Variants in DNAJC21 observed in about 807,000 individuals in gnomAD.
DNAJC21 encodes DnaJ heat shock protein family (Hsp40) member C21.
Under a neutral mutation model 72.4 loss-of-function variants are expected in DNAJC21, and 63 were observed. The ratio of observed to expected loss-of-function variants is 0.87; its 90% CI spans 0.71 to 1.07. The LOEUF (loss-of-function observed/expected upper bound fraction) is 1.07. Among genes scored for constraint, DNAJC21 ranks in the 50% least tolerant of loss-of-function variants. The pLI is 0.00. For synonymous variants in DNAJC21, 203 were observed against 216.7 expected, an observed-to-expected ratio of 0.94 and a Z score of 0.56; for missense variants, 634 against 644.8, an observed-to-expected ratio of 0.98 and a Z score of 0.18.
chr5:34,934,012 G>T, intron 2 of DNAJC21, 104 bp downstream of exon 2: 1 of 966,956 alleles, frequency 1.0e-6, no homozygotes, highest in Non-Finnish European at 1.5e-6. Flanking sequence ...GGTTTTTGGT[G>T]TGTTCTGAAA....
chr5:34,944,814 T>C, intron 7 of DNAJC21, 53 bp from the exon 8 acceptor site: 1 of 1,600,578 alleles, frequency 6.2e-7, no homozygotes, highest in Non-Finnish European at 8.5e-7. Context: ...CAACATTATC[T>C]GGACACGTGA....
At chr5:34,935,392 T>C (rs938118886) in intron 2 of DNAJC21, among the ~76,000 whole-genome samples, 10 of 152,202 alleles carry the variant, frequency 6.6e-5, no homozygotes, top group African/African-American at 2.4e-4. Context: ...AGATTTCCTA[T>C]GTCCTGTTTT....
chr5:34,949,651 G>A, intron 9 of DNAJC21: 1 of 1,613,372 alleles, frequency 6.2e-7, no homozygotes, highest in Non-Finnish European at 8.5e-7. Flanking sequence ...GCACAAATGT[G>A]CCAAAATGTT....
At chr5:34,932,978 G>C (rs897355172) in intron 1 of DNAJC21, among the ~76,000 whole-genome samples, 3 of 152,258 alleles carry the variant, frequency 2.0e-5, no homozygotes, top group African/African-American at 7.2e-5. Context: ...AATGCCAGGA[G>C]GCGGGGTGCT....
Position 34,935,767 on chromosome 5 carries a change from T to C in DNAJC21, c.249T>C (p.Asp83=). The C allele has an allele frequency of 6.2e-7, 1 of 1,614,068 alleles. No individual in the cohort carries two copies. Residue 83 remains aspartate, a synonymous_variant, in exon 3 of 12, where the codon GAT becomes GAC. Coordinates refer to ENST00000648817, the MANE Select transcript of DNAJC21 (RefSeq NM_001012339.3). ...GTGGGTTTGATGGCGAATATCAAGA[T>C]GACAGCTTAGATTTGCTACGCTATT... ...LKGGFDGEYQ[D]DSLDLLRYFT...
chr5:34,954,573 A>G lies in DNAJC21; in HGVS notation c.1455A>G (p.Thr485=). 1 of 1,612,416 alleles carries G rather than the reference A, an allele frequency of 6.2e-7. No homozygotes were observed. ...PQTMSVLISC[T]TCHSEFPSRN... ...CTCAGAGTGTTCTTATCAGCTGTAC[A>G]ACCTGCCATAGTGAATTTCCATCTC... The change falls in exon 12 of 12, where the codon ACA becomes ACG. Residue 485 remains threonine, a synonymous_variant. Coordinates refer to ENST00000648817, the MANE Select transcript of DNAJC21 (RefSeq NM_001012339.3).
At chr5:34,932,437 C>G (rs527844612) in intron 1 of DNAJC21, among the ~76,000 whole-genome samples, 1 of 143,704 alleles carries the variant, frequency 7.0e-6, no homozygotes, top group African/African-American at 2.6e-5. Flanking sequence ...AAAAAAAAAA[C>G]GAACTTTAGT....
Position 34,941,120 on chromosome 5 carries a change from A to G in DNAJC21, c.920A>G (p.Asp307Gly), listed in dbSNP as rs561912296. 18 of 1,614,060 alleles carry G rather than the reference A, an allele frequency of 1.1e-5. No individual in the cohort carries two copies. Among genetic ancestry groups the G allele is most frequent in the Non-Finnish European group, 1.5e-5 (18 of 1,180,018 alleles). ...GGTAAAGACAGTGATGAGGCCGAGG[A>G]CGCTGAGCTCTATGATGACCTTTAC... ...EDGKDSDEAE[D>G]AELYDDLYCP... The change falls in exon 7 of 12, where the codon GAC (aspartate) becomes GGC (glycine). Residue 307 changes from aspartate (D) to glycine (G), a missense_variant. Coordinates refer to ENST00000648817, the MANE Select transcript of DNAJC21 (RefSeq NM_001012339.3).
chr5:34,936,345 G>T, intron 4 of DNAJC21, 79 bp downstream of exon 4: 1 of 1,502,998 alleles, frequency 6.7e-7, no homozygotes, highest in Non-Finnish European at 9.0e-7. Flanking sequence ...TTTTGAGATG[G>T]TCTCACTCTG....
rs1765541926 is a variant in DNAJC21, at chr5:34,956,487, A to G, written c.*1773A>G. 1 of 152,140 alleles carries G rather than the reference A, an allele frequency of 6.6e-6. No individual in the cohort carries two copies. The highest frequency in any genetic ancestry group is 2.1e-4 in the South Asian group (1 of 4,826). 9.4% of individuals were successfully genotyped at this position (152,140 alleles called of 1,614,324 possible). ...TTCTGATCTCGTACCCTGAGACTTC[A>G]TCTGAATGTGCTCTGCCGCCTTCTT... On this transcript the variant is annotated 3_prime_UTR_variant, in exon 12 of 12. Coordinates refer to ENST00000648817, the MANE Select transcript of DNAJC21 (RefSeq NM_001012339.3).
At position 34,958,268 on chromosome 5, in the gene DNAJC21, G is replaced by A. The variant is rs1336420293; in HGVS notation, c.*3554G>A. ...AAAGGTATACCAGTTAAAGTAGTGT[G>A]TGGCTGGTGCCAGTAGAGGTCAGTC... On this transcript the variant is annotated 3_prime_UTR_variant, in exon 12 of 12. Transcript: ENST00000648817. 6.6e-6 allele frequency: 1 copy of A among 152,232 alleles called. No individual in the cohort carries two copies. The highest frequency in any genetic ancestry group is 1.9e-4 in the East Asian group (1 of 5,200). The allele number at this position is 152,232 out of a possible 1,614,324, so 9.4% of individuals were successfully genotyped here. A position where few individuals can be genotyped will look rare whatever the true frequency, so the allele number is the denominator to read the frequency against.
At chr5:34,937,692 G>A in intron 5 of DNAJC21, 62 bp downstream of exon 5, 2 of 1,533,750 alleles carry the variant, frequency 1.3e-6, no homozygotes, top group Non-Finnish European at 8.8e-7. Flanking sequence ...AGCACCAGAG[G>A]TACCTTACAT....
chr5:34,933,461 CGG>C (rs967469578), intron 1 of DNAJC21, among the ~76,000 whole-genome samples: 1 of 152,054 alleles, frequency 6.6e-6, no homozygotes. Flanking sequence ...TTAGCAGAAA[CGG>C]GGTTTCACCA....
At chr5:34,939,744 A>G (rs1170123895) in intron 6 of DNAJC21, among the ~76,000 whole-genome samples, 2 of 151,538 alleles carry the variant, frequency 1.3e-5, no homozygotes, top group Non-Finnish European at 2.9e-5. Flanking sequence ...TTTTGCCGCT[A>G]TCATTAGAGC....
rs146933471 is a variant in DNAJC21 at position 34,954,599 on chromosome 5, G to A, written c.1481G>A (p.Arg494Gln). 691 of 1,612,680 alleles carry A rather than the reference G, an allele frequency of 4.3e-4. 2 individuals carry two copies. The highest frequency in any genetic ancestry group is 6.0e-4 in the Admixed American group (36 of 59,710). ...CTTCHSEFPSRNKLFDHLKAT... is the reference protein window; with the variant it reads ...CTTCHSEFPSQNKLFDHLKAT... Reference sequence around the variant, plus strand: ...ACCTGCCATAGTGAATTTCCATCTCGGAATAAACTTTTTGACCATCTAAAG... The same window carrying A: ...ACCTGCCATAGTGAATTTCCATCTCAGAATAAACTTTTTGACCATCTAAAG... Residue 494 changes from arginine (R) to glutamine (Q), a missense_variant, in exon 12 of 12, where the codon CGG (arginine) becomes CAG (glutamine). Transcript: ENST00000648817.
At chr5:34,946,121 A>G (rs563478547) in intron 9 of DNAJC21, among the ~76,000 whole-genome samples, 3 of 152,308 alleles carry the variant, frequency 2.0e-5, no homozygotes, top group African/African-American at 7.2e-5. Flanking sequence ...TTAAGTCAAG[A>G]CAACAATTAA....
In DNAJC21 at chr5:34,958,771, A is replaced by G. The variant is rs901188256; in HGVS notation, c.*4057A>G. 1 of 152,256 alleles carries G rather than the reference A, an allele frequency of 6.6e-6. No individual in the cohort carries two copies. Among genetic ancestry groups the G allele is most frequent in the African/African-American group, 2.4e-5 (1 of 41,476 alleles). The allele number at this position is 152,256 out of a possible 1,614,324, so 9.4% of individuals were successfully genotyped here. ...TCTCAAGATCCCTTTACACTCTTCA[A>G]AAGTGAGAACCCCAAAGAGTTTTCA... On this transcript the variant is annotated 3_prime_UTR_variant, in exon 12 of 12. Coordinates refer to ENST00000648817, the MANE Select transcript of DNAJC21 (RefSeq NM_001012339.3).
At chr5:34,945,193 T>C (rs1340696886) in intron 8 of DNAJC21, among the ~76,000 whole-genome samples, 168 bp downstream of exon 8, 1 of 152,160 alleles carries the variant, frequency 6.6e-6, no homozygotes, top group African/African-American at 2.4e-5. Flanking sequence ...TTCTCCTCCC[T>C]CAGCCTCCCA....
rs562131670 is a variant in DNAJC21, at chr5:34,956,095, C to G, written c.*1381C>G. On this transcript the variant is annotated 3_prime_UTR_variant, in exon 12 of 12. Coordinates refer to ENST00000648817, the MANE Select transcript of DNAJC21 (RefSeq NM_001012339.3). ...AAAAAAGAAAGTAATTTTAAACTCA[C>G]TGGCTTGAAATGTGTGCTTTCTGTA... is the stretch of plus-strand genomic sequence containing the variant. 4.0e-5 allele frequency: 6 copies of G among 150,796 alleles called. No individual in the cohort carries two copies. Among genetic ancestry groups the G allele is most frequent in the African/African-American group, 1.5e-4 (6 of 41,052 alleles). The allele number at this position is 150,796 out of a possible 1,614,324, so 9.3% of individuals were successfully genotyped here.
Sources: gnomAD v4.1 joint callset for allele counts (sites outside exome capture counted in the v4.1 genomes callset) on GRCh38, gnomAD v4.1.1 for gene constraint, MANE v1.5 for transcripts, NCBI Gene and HGNC (gene_info 2026-07-23, HGNC 2026-07-21) for gene names.